MAF: variants seen among roughly 807,000 people sequenced by gnomAD.
MAF encodes the protein transcription factor Maf.
Under a neutral mutation model 22.0 loss-of-function variants are expected in MAF, and 10 were observed. That is an observed-to-expected ratio of 0.45 (90% CI 0.28 to 0.77). The LOEUF (loss-of-function observed/expected upper bound fraction) is 0.77. MAF is among the 30% of genes least tolerant of loss of function. The pLI, the probability that MAF is intolerant of heterozygous loss-of-function variation, is 0.12. For missense variants in MAF, 544 were observed against 548.4 expected (o/e 0.99, Z 0.08); for synonymous variants, 337 against 255.8 (o/e 1.32, Z -3.03).
chr16:79,390,077 C>G, the MAF span, among the ~76,000 whole-genome samples: 6 of 148,352 alleles, frequency 4.0e-5, no homozygotes, highest in South Asian at 2.2e-4. Context: ...GTGTGAGCAT[C>G]TGTGTGTGTG....
At chr16:79,365,543 C>T in the MAF span, among the ~76,000 whole-genome samples, 1 of 151,612 alleles carries the variant, frequency 6.6e-6, no homozygotes. Context: ...CCCTAGCTCT[C>T]CTCTCGGAAA....
the MAF span, among the ~76,000 whole-genome samples, chr16:79,321,580 C>T: frequency 6.6e-6 from 1 of 151,694 alleles, no homozygotes; most frequent in African/African-American, 2.4e-5. Context: ...AAAGGCATCA[C>T]CAGAGGCACA....
the MAF span, among the ~76,000 whole-genome samples, chr16:79,452,851 T>C: frequency 2.0e-5 from 3 of 152,148 alleles, no homozygotes; most frequent in African/African-American, 7.2e-5. Context: ...AGAACGAAGA[T>C]TACAGAGTCG....
At chr16:79,524,221 T>G in the MAF span, among the ~76,000 whole-genome samples, 1 of 152,220 alleles carries the variant, frequency 6.6e-6, no homozygotes, top group African/African-American at 2.4e-5. Flanking sequence ...GAAAGAGATC[T>G]AAACGACTTA....
chr16:79,429,066 T>C, the MAF span, among the ~76,000 whole-genome samples: 1 of 152,138 alleles, frequency 6.6e-6, no homozygotes, highest in Admixed American at 6.5e-5. Flanking sequence ...GCAATGCGGA[T>C]GTCTTTAAAT....
chr16:79,491,164 C>T, the MAF span, among the ~76,000 whole-genome samples: 1 of 152,136 alleles, frequency 6.6e-6, no homozygotes, highest in African/African-American at 2.4e-5. Flanking sequence ...TCCCGTGGAG[C>T]TTACTATGTG....
the MAF span, among the ~76,000 whole-genome samples, chr16:79,573,127 C>G: frequency 6.6e-6 from 1 of 152,106 alleles, no homozygotes; most frequent in South Asian, 2.1e-4. Flanking sequence ...GGTCATTTAT[C>G]TTCTTATGGA....
the MAF span, among the ~76,000 whole-genome samples, chr16:79,429,142 G>C: frequency 8.5e-4 from 129 of 152,294 alleles, no homozygotes; most frequent in African/African-American, 3.0e-3. Flanking sequence ...ACATCCGTGG[G>C]AGGGCTACCT....
the MAF span, among the ~76,000 whole-genome samples, chr16:79,362,355 A>T: frequency 6.6e-6 from 1 of 152,156 alleles, no homozygotes; most frequent in South Asian, 2.1e-4. Context: ...ACACACACAG[A>T]TGCCTTGAAT....
At chr16:79,330,147 A>G in the MAF span, among the ~76,000 whole-genome samples, 8 of 152,170 alleles carry the variant, frequency 5.3e-5, no homozygotes, top group Admixed American at 3.3e-4. Flanking sequence ...TCCTCCTGCC[A>G]TATCCCAAGA....
the MAF span, among the ~76,000 whole-genome samples, chr16:79,228,140 T>A: frequency 3.9e-5 from 6 of 152,092 alleles, 1 homozygote; most frequent in African/African-American, 1.2e-4. Context: ...TAGCCTCAAG[T>A]GATCCTCCTG....
the MAF span, among the ~76,000 whole-genome samples, chr16:79,370,121 C>G: frequency 1.3e-5 from 2 of 152,136 alleles, no homozygotes; most frequent in Admixed American, 6.6e-5. Flanking sequence ...TAAAAGTCTC[C>G]TTCCCCAGGA....
At chr16:79,322,662 G>A in the MAF span, among the ~76,000 whole-genome samples, 17 of 152,034 alleles carry the variant, frequency 1.1e-4, no homozygotes, top group South Asian at 1.2e-3. Context: ...TGCTAAGGTC[G>A]ACACACGGGT....
the MAF span, among the ~76,000 whole-genome samples, chr16:79,337,984 C>A: frequency 6.6e-6 from 1 of 152,102 alleles, no homozygotes; most frequent in African/African-American, 2.4e-5. Context: ...GAATGGGCAC[C>A]AGCTTTGTGT....
chr16:79,399,550 T>A, the MAF span, among the ~76,000 whole-genome samples: 1 of 152,130 alleles, frequency 6.6e-6, no homozygotes, highest in African/African-American at 2.4e-5. Context: ...TTCCTTGGGT[T>A]GTTTTCCATT....
chr16:79,469,847 G>A, the MAF span, among the ~76,000 whole-genome samples: 1 of 151,966 alleles, frequency 6.6e-6, no homozygotes, highest in African/African-American at 2.4e-5. Context: ...CACCCACCTC[G>A]GCCTCCCAAA....
the MAF span, among the ~76,000 whole-genome samples, chr16:79,270,362 T>A: frequency 6.6e-6 from 1 of 152,032 alleles, no homozygotes; most frequent in Non-Finnish European, 1.5e-5. Context: ...AGGCTTGCAG[T>A]CAAGGAGATG....
At chr16:79,397,009 T>C in the MAF span, among the ~76,000 whole-genome samples, 1 of 152,194 alleles carries the variant, frequency 6.6e-6, no homozygotes. Context: ...GCACGAGTCA[T>C]TTATTACCTT....
the MAF span, among the ~76,000 whole-genome samples, chr16:79,450,714 C>G: frequency 9.9e-5 from 15 of 151,460 alleles, no homozygotes; most frequent in African/African-American, 3.6e-4. Context: ...ACTGACAACT[C>G]GGATGGAGAT....
Sources: allele counts gnomAD v4.1 joint callset (sites outside exome capture counted in the v4.1 genomes callset), GRCh38; gene constraint gnomAD v4.1.1; transcripts MANE v1.5; gene names NCBI Gene and HGNC (gene_info 2026-07-23, HGNC 2026-07-21).